The following DISC1 variants were observed in gnomAD, a reference collection of about 807,000 sequenced individuals.
DISC1 encodes the protein DISC1 scaffold protein, also known as disrupted in schizophrenia 1 protein.
A neutral mutation model predicts 84.5 loss-of-function variants in DISC1; 57 were observed. The observed-to-expected ratio is 0.67, with a 90% CI of 0.55 to 0.84. The LOEUF is 0.84. Ranked by LOEUF, DISC1 falls within the 40% of genes least tolerant of loss-of-function variation. The pLI is 0.00. For missense variants in DISC1, 1,000 were observed against 1,057.8 expected (o/e 0.95, Z 0.76); for synonymous variants, 411 against 415.2 (o/e 0.99, Z 0.12).
At chr1:232,019,914 C>G (rs931298064) in intron 11 of DISC1, among the ~76,000 whole-genome samples, 1 of 152,070 alleles carries the variant, frequency 6.6e-6, no homozygotes, top group East Asian at 1.9e-4. Context: ...GGAGCATATC[C>G]CTTTAATAAG....
rs1006171484 is a variant in DISC1, at chr1:232,016,575, C to T, written c.2307+7526C>T. On this transcript the variant is annotated intron_variant, in intron 11 of 12. Transcript: ENST00000439617. ...AGCAGTTCACATCCTCTTGCATGAT[C>T]GTGTAATATAAACTGTAGCTTTTCA... 3.3e-5 allele frequency among the ~76,000 whole-genome samples: 5 copies of T among 152,310 alleles called. No individual in the cohort carries two copies. The South Asian group carries it at 8.3e-4, about 25-fold the overall frequency.
intron 10 of DISC1, among the ~76,000 whole-genome samples, chr1:231,998,241 A>T (rs1666207547): frequency 6.6e-6 from 1 of 152,240 alleles, no homozygotes. Flanking sequence ...TTAAAAGATA[A>T]ATGAAACAAT....
intron 9 of DISC1, among the ~76,000 whole-genome samples, chr1:231,907,804 G>A (rs1571973576): frequency 1.3e-5 from 2 of 152,300 alleles, no homozygotes; most frequent in East Asian, 3.9e-4. Flanking sequence ...GTGTAAAAGT[G>A]TTCCTATTTC....
intron 9 of DISC1, among the ~76,000 whole-genome samples, chr1:231,849,122 ATT>A (rs35286886): frequency 7.1e-6 from 1 of 141,490 alleles, no homozygotes; most frequent in Non-Finnish European, 1.5e-5. Context: ...TATTATCCTC[ATT>A]TTTTTTTTTT....
At chr1:231,978,886 C>T (rs758781847) in intron 10 of DISC1, among the ~76,000 whole-genome samples, 1 of 152,152 alleles carries the variant, frequency 6.6e-6, no homozygotes, top group African/African-American at 2.4e-5. Flanking sequence ...GGTCTCCAAC[C>T]CCCGGGCCAT....
intron 9 of DISC1, among the ~76,000 whole-genome samples, chr1:231,920,045 T>A (rs536608389): frequency 1.3e-5 from 2 of 152,156 alleles, no homozygotes; most frequent in South Asian, 4.1e-4. Context: ...TCGTAAGAGG[T>A]TTAGCAGCAC....
intron 1 of DISC1, among the ~76,000 whole-genome samples, chr1:231,669,271 C>G (rs1210480519): frequency 6.6e-6 from 1 of 152,068 alleles, no homozygotes; most frequent in Non-Finnish European, 1.5e-5. Flanking sequence ...CTATAAAAAC[C>G]CTGGAAGATA....
chr1:231,767,396 G>C, intron 5 of DISC1, 127 bp downstream of exon 5: 1 of 1,376,746 alleles, frequency 7.3e-7, no homozygotes, highest in East Asian at 2.5e-5. Context: ...TTGAGCTCCT[G>C]GGTGATTCTC....
At chr1:232,001,642 T>C (rs1235428435) in intron 10 of DISC1, among the ~76,000 whole-genome samples, 1 of 152,130 alleles carries the variant, frequency 6.6e-6, no homozygotes, top group Non-Finnish European at 1.5e-5. Flanking sequence ...GAAGGAACAA[T>C]AGAATTTTTA....
rs556974238 is a variant in DISC1 at position 231,826,617 on chromosome 1, G to A, written c.1981+8100G>A. On this transcript the variant is annotated intron_variant, in intron 9 of 12. Coordinates refer to ENST00000439617, the MANE Select transcript of DISC1 (RefSeq NM_018662.3). This position sits in a 1 kb window ranked among gnomAD's most constrained non-coding sequence, Gnocchi z 4.2. The stretch of plus-strand genomic sequence containing the variant: ...ATTAAAACCTCAATTCTTTATTTTC[G>A]AAGGGTGACTAGGAGAAACTTGGCA... Among the ~76,000 whole-genome samples the A allele has an allele frequency of 7.9e-5, 12 of 152,162 alleles. No homozygotes were observed. The highest frequency in any genetic ancestry group is 2.9e-4 in the African/African-American group (12 of 41,508).
chr1:231,774,144 C>T (rs542397500), intron 6 of DISC1, among the ~76,000 whole-genome samples: 2 of 152,116 alleles, frequency 1.3e-5, no homozygotes, highest in Non-Finnish European at 2.9e-5. Context: ...GTCCTAGCTA[C>T]TCGGGAGGCT....
chr1:231,695,626 CGTGTGTGTGT>C (rs74987968), intron 2 of DISC1, among the ~76,000 whole-genome samples: 19 of 150,816 alleles, frequency 1.3e-4, no homozygotes, highest in Non-Finnish European at 2.4e-4. Flanking sequence ...CCTGTGTGTG[CGTGTGTGTGT>C]GTGCATGTTT....
intron 11 of DISC1, among the ~76,000 whole-genome samples, chr1:232,017,090 T>C (rs2103018990): frequency 6.6e-6 from 1 of 152,342 alleles, no homozygotes; most frequent in African/African-American, 2.4e-5. Flanking sequence ...AAATATTCTT[T>C]TTGTAGATAA....
At chr1:232,020,140 G>A (rs1474586959) in intron 11 of DISC1, among the ~76,000 whole-genome samples, 3 of 151,980 alleles carry the variant, frequency 2.0e-5, no homozygotes, top group Non-Finnish European at 4.4e-5. Flanking sequence ...TCGGGAGTTC[G>A]AGACCAGCCT....
intron 8 of DISC1, among the ~76,000 whole-genome samples, chr1:231,812,264 C>T (rs558242861): frequency 5.9e-5 from 9 of 152,116 alleles, no homozygotes; most frequent in South Asian, 2.1e-4. Context: ...TGCTATGTTG[C>T]CCAGGCTGGT....
chr1:231,658,212 A>G (rs1333343760), intron 1 of DISC1, among the ~76,000 whole-genome samples: 1 of 152,134 alleles, frequency 6.6e-6, no homozygotes, highest in Non-Finnish European at 1.5e-5. Context: ...TGTTAGCTGT[A>G]TTCCTAGTTA....
At chr1:231,635,840 A>C (rs2059146583) in intron 1 of DISC1, among the ~76,000 whole-genome samples, 1 of 152,200 alleles carries the variant, frequency 6.6e-6, no homozygotes, top group Admixed American at 6.5e-5. Context: ...GTGTAAATTG[A>C]TATGTAAATT....
At chr1:231,666,915 T>C (rs1008415919) in intron 1 of DISC1, among the ~76,000 whole-genome samples, 1 of 152,210 alleles carries the variant, frequency 6.6e-6, no homozygotes, top group African/African-American at 2.4e-5. Context: ...AAATTCAAAA[T>C]GGCAGTGCCT....
At chr1:232,011,888 C>G (rs1229957082) in intron 11 of DISC1, among the ~76,000 whole-genome samples, 3 of 152,190 alleles carry the variant, frequency 2.0e-5, no homozygotes, top group African/African-American at 7.2e-5. Context: ...CTGGAAAGAG[C>G]ACAAGGCTTG....
Sources: gnomAD v4.1 joint callset for allele counts (sites outside exome capture counted in the v4.1 genomes callset) on GRCh38, gnomAD v4.1.1 for gene constraint, Gnocchi (gnomAD v3.1) non-coding constraint, MANE v1.5 for transcripts, NCBI Gene and HGNC (gene_info 2026-07-23, HGNC 2026-07-21) for gene names.